Variants in SIPA1L2 observed in about 807,000 individuals in gnomAD.
SIPA1L2 encodes the protein signal induced proliferation associated 1 like 2.
In SIPA1L2, 56 loss-of-function variants were observed where a neutral mutation model predicts 163.9. The observed-to-expected ratio is 0.34, with a 90% CI of 0.28 to 0.43. The LOEUF (loss-of-function observed/expected upper bound fraction) is 0.43. Ranked by LOEUF, SIPA1L2 falls within the 20% of genes least tolerant of loss-of-function variation. SIPA1L2 has a pLI of 1.00. For synonymous variants in SIPA1L2, 877 were observed against 865.7 expected, an observed-to-expected ratio of 1.01 and a Z score of -0.23; for missense variants, 1,974 against 2,193.5, an observed-to-expected ratio of 0.90 and a Z score of 2.00.
chr1:232,466,184 C>T (rs2102932814), intron 8 of SIPA1L2, among the ~76,000 whole-genome samples: 1 of 152,196 alleles, frequency 6.6e-6, no homozygotes, highest in African/African-American at 2.4e-5. Context: ...GTGGGTTTAG[C>T]CCACGTTAGC....
intron 2 of SIPA1L2, among the ~76,000 whole-genome samples, chr1:232,569,621 T>C (rs541584767): frequency 6.0e-4 from 91 of 152,320 alleles, no homozygotes; most frequent in African/African-American, 2.1e-3. Flanking sequence ...GAGACCAGCC[T>C]GGCCAACACA....
intron 1 of SIPA1L2, among the ~76,000 whole-genome samples, chr1:232,598,767 C>CA (rs1457549519): frequency 6.6e-6 from 1 of 152,046 alleles, no homozygotes; most frequent in African/African-American, 2.4e-5. Context: ...AATCACCTTC[C>CA]AAAGGCCCCA....
At chr1:232,593,622 A>G (rs937904078) in intron 1 of SIPA1L2, among the ~76,000 whole-genome samples, 11 of 152,210 alleles carry the variant, frequency 7.2e-5, no homozygotes, top group Non-Finnish European at 1.0e-4. Flanking sequence ...AATCCAAACT[A>G]TCTATAAAAT....
At chr1:232,503,129 T>C (rs1666562462) in intron 3 of SIPA1L2, among the ~76,000 whole-genome samples, 1 of 152,076 alleles carries the variant, frequency 6.6e-6, no homozygotes, top group Admixed American at 6.5e-5. Flanking sequence ...CAAGGGTGAA[T>C]CAAATGAAAT....
chr1:232,629,642 C>A (rs983304158), intron 1 of SIPA1L2, among the ~76,000 whole-genome samples: 1 of 152,180 alleles, frequency 6.6e-6, no homozygotes, highest in Non-Finnish European at 1.5e-5. Context: ...CAGGCGGCGG[C>A]GGCTCCTCTT....
Position 232,428,614 on chromosome 1 carries a change from T to C in SIPA1L2, c.4257-50A>G, listed in dbSNP as rs760563513. Reference sequence around the variant, plus strand: ...ATTAAGCCTATTTGTAAAGTGCCTGTAGTGGTAAGAATTAAAACCTAGGAA... The same window carrying C: ...ATTAAGCCTATTTGTAAAGTGCCTGCAGTGGTAAGAATTAAAACCTAGGAA... On this transcript the variant is annotated intron_variant, in intron 16 of 22. Transcript: ENST00000674635. The C allele has an allele frequency of 2.9e-6, 4 of 1,390,812 alleles. No individual in the cohort carries two copies. The South Asian group carries it at 7.2e-5, about 25-fold the overall frequency. 86.2% of individuals were successfully genotyped at this position (1,390,812 alleles called of 1,614,324 possible). A position where few individuals can be genotyped will look rare whatever the true frequency, so the allele number is the denominator to read the frequency against.
intron 1 of SIPA1L2, among the ~76,000 whole-genome samples, chr1:232,577,329 G>A (rs1184194733): frequency 1.3e-5 from 2 of 152,138 alleles, no homozygotes; most frequent in Non-Finnish European, 2.9e-5. Flanking sequence ...CTTTCAAAAT[G>A]TTACTGCTCA....
At position 232,420,523 on chromosome 1, in the gene SIPA1L2, C is replaced by A. The variant is rs116792093; in HGVS notation, c.4631-4898G>T. ...CTCTCCCAAGCCTCAGGAGCCCGTA[C>A]AACTCTTCTGGCCAATTAAGACAAG... On this transcript the variant is annotated intron_variant, in intron 18 of 22. Coordinates refer to ENST00000674635, the MANE Select transcript of SIPA1L2 (RefSeq NM_020808.5). Among the ~76,000 whole-genome samples, 340 of 152,090 alleles carry A rather than the reference C, an allele frequency of 2.2e-3. 2 individuals are homozygous for A. Among genetic ancestry groups the A allele is most frequent in the Non-Finnish European group, 4.2e-3 (285 of 67,988 alleles).
Position 232,398,953 on chromosome 1 carries a change from T to TGGTTACC in SIPA1L2, c.*167_*173dup. The TGGTTACC allele has an allele frequency of 1.3e-6, 1 of 776,598 alleles. No homozygotes were observed. Among genetic ancestry groups the TGGTTACC allele is most frequent in the Non-Finnish European group, 2.0e-6 (1 of 497,122 alleles). 48.1% of individuals were successfully genotyped at this position (776,598 alleles called of 1,614,324 possible). ...TTCACATCGGCGCTGCTCTCTGCCG[T>TGGTTACC]GGTTACCGAGAAAGAGTCGAGGCTC... On this transcript the variant is annotated 3_prime_UTR_variant, in exon 23 of 23. Coordinates refer to ENST00000674635, the MANE Select transcript of SIPA1L2 (RefSeq NM_020808.5).
chr1:232,609,495 G>A (rs1332189746), intron 1 of SIPA1L2, among the ~76,000 whole-genome samples: 2 of 152,074 alleles, frequency 1.3e-5, no homozygotes, highest in Non-Finnish European at 2.9e-5. Context: ...CCCTAAAATA[G>A]TGTTATCAAT....
intron 1 of SIPA1L2, among the ~76,000 whole-genome samples, chr1:232,611,268 C>T (rs1662222292): frequency 6.6e-6 from 1 of 152,088 alleles, no homozygotes; most frequent in African/African-American, 2.4e-5. Flanking sequence ...TTATCAGCAG[C>T]GTGAAAATGG....
chr1:232,480,154 C>CGTGTGTGTGTGTGTGTGTGT (rs536840154), intron 6 of SIPA1L2, among the ~76,000 whole-genome samples: 26 of 132,818 alleles, frequency 2.0e-4, no homozygotes, highest in African/African-American at 6.9e-4. Flanking sequence ...TGTGTGTGTG[C>CGTGTGTGTGTGTGTGTGTGT]GTGTGTGTGT....
At chr1:232,434,365 C>T (rs2102840301) in intron 15 of SIPA1L2, among the ~76,000 whole-genome samples, 1 of 152,266 alleles carries the variant, frequency 6.6e-6, no homozygotes, top group South Asian at 2.1e-4. Flanking sequence ...AATTAACCAA[C>T]CAACAAACAA....
rs1041463925 is a variant in SIPA1L2, at chr1:232,480,181, G to A, written c.1982-451C>T. On this transcript the variant is annotated intron_variant, in intron 6 of 22. Transcript: ENST00000674635. ...TGTGTGTGTGTGTGTGTGTGTGTGT[G>A]TGTGTGTGTGTTTTTACAGTTAATT... Among the ~76,000 whole-genome samples, 169 of 138,204 alleles carry A rather than the reference G, an allele frequency of 1.2e-3. 1 individual carries two copies. The highest frequency in any genetic ancestry group is 4.1e-3 in the African/African-American group (151 of 37,110). The allele number at this position is 138,204 out of a possible 152,430, so 90.7% of individuals were successfully genotyped here.
intron 1 of SIPA1L2, among the ~76,000 whole-genome samples, chr1:232,609,040 C>T (rs1271507997): frequency 2.0e-5 from 3 of 151,642 alleles, no homozygotes; most frequent in Non-Finnish European, 4.4e-5. Context: ...GTTTGTTTTC[C>T]ACAATTTAAT....
intron 15 of SIPA1L2, among the ~76,000 whole-genome samples, chr1:232,437,258 C>A (rs1364636106): frequency 1.3e-5 from 2 of 152,150 alleles, no homozygotes; most frequent in Non-Finnish European, 2.9e-5. Flanking sequence ...GAAATCAGCT[C>A]TTTTACAAAT....
intron 2 of SIPA1L2, among the ~76,000 whole-genome samples, chr1:232,531,363 T>C (rs967658608): frequency 2.0e-5 from 3 of 152,168 alleles, no homozygotes; most frequent in South Asian, 2.1e-4. Flanking sequence ...TCCCCTTTCT[T>C]GTGATATTAA....
chr1:232,446,185 A>C (rs1312457686), intron 10 of SIPA1L2, among the ~76,000 whole-genome samples: 2 of 152,236 alleles, frequency 1.3e-5, no homozygotes, highest in Non-Finnish European at 2.9e-5. Context: ...CACCTGGCAC[A>C]GCAGAGGCCT....
chr1:232,529,405 T>A (rs1366002074), intron 2 of SIPA1L2, among the ~76,000 whole-genome samples: 1 of 152,222 alleles, frequency 6.6e-6, no homozygotes, highest in Non-Finnish European at 1.5e-5. Context: ...CCATTGACAA[T>A]GACATGCCAC....
Sources: gnomAD v4.1 joint callset for allele counts (sites outside exome capture counted in the v4.1 genomes callset) on GRCh38, gnomAD v4.1.1 for gene constraint, MANE v1.5 for transcripts, NCBI Gene and HGNC (gene_info 2026-07-23, HGNC 2026-07-21) for gene names.